Variants in STRIP2 observed in about 807,000 individuals in gnomAD.
STRIP2 encodes striatin-interacting protein 2.
A neutral mutation model predicts 107.1 loss-of-function variants in STRIP2; 84 were observed. That is an observed-to-expected ratio of 0.78 (90% CI 0.66 to 0.94). The LOEUF is 0.94. Ranked by LOEUF, STRIP2 falls within the 40% of genes least tolerant of loss-of-function variation. STRIP2 has a pLI of 0.00. For synonymous variants in STRIP2, 394 were observed against 400.4 expected (o/e 0.98, Z 0.19); for missense variants, 888 against 1,034.2 (o/e 0.86, Z 1.94).
At chr7:129,471,780 GA>G (rs1798793965) in intron 18 of STRIP2, among the ~76,000 whole-genome samples, 2 of 152,104 alleles carry the variant, frequency 1.3e-5, no homozygotes, top group African/African-American at 4.8e-5. Flanking sequence ...GCCTGAATCA[GA>G]CATGAGTCAA....
chr7:129,434,568 C>G lies in STRIP2; in HGVS notation c.96C>G (p.Arg32=). 2 of 1,515,404 alleles carry G rather than the reference C, an allele frequency of 1.3e-6. No individual in the cohort carries two copies. The highest frequency in any genetic ancestry group is 1.8e-6 in the Non-Finnish European group (2 of 1,138,108). 93.9% of individuals were successfully genotyped at this position (1,515,404 alleles called of 1,614,324 possible). The change falls in exon 1 of 21, where the codon CGC becomes CGG. Residue 32 remains arginine, a synonymous_variant. Coordinates refer to ENST00000249344, the MANE Select transcript of STRIP2 (RefSeq NM_020704.3). ...GKGKQAAPKG[R]EAFRSQRRES... The stretch of plus-strand genomic sequence containing the variant: ...GGAAGCAGGCGGCGCCCAAGGGCCG[C>G]GAAGCGTTCCGAAGCCAGCGGCGGG...
rs138306722 is a variant in STRIP2, at chr7:129,474,251, C to A, written c.1944+3536C>A. Among the ~76,000 whole-genome samples the A allele has an allele frequency of 5.7e-3, 872 of 151,928 alleles. 8 individuals are homozygous for A. The highest frequency in any genetic ancestry group is 0.02 in the African/African-American group (829 of 41,404). ...GACCTCCCAGGGTCAAATGATCCTT[C>A]CACCTCAGCCACCCAAGTAGCTAGG... On this transcript the variant is annotated intron_variant, in intron 18 of 20. Coordinates refer to ENST00000249344, the MANE Select transcript of STRIP2 (RefSeq NM_020704.3).
At chr7:129,442,511 A>G (rs1198070908) in intron 2 of STRIP2, among the ~76,000 whole-genome samples, 1 of 152,210 alleles carries the variant, frequency 6.6e-6, no homozygotes, top group African/African-American at 2.4e-5. Context: ...TGGGTAGAAG[A>G]TAATACACAG....
chr7:129,475,192 T>C (rs1047054600), intron 18 of STRIP2, among the ~76,000 whole-genome samples: 1 of 152,080 alleles, frequency 6.6e-6, no homozygotes, highest in Admixed American at 6.6e-5. Flanking sequence ...AGGCAGTGGA[T>C]GTGGGCTCAG....
intron 19 of STRIP2, among the ~76,000 whole-genome samples, chr7:129,481,326 A>G (rs978664493): frequency 7.3e-5 from 11 of 151,646 alleles, no homozygotes; most frequent in Non-Finnish European, 1.3e-4. Flanking sequence ...GTGAAACTCC[A>G]TCTCTACTAA....
intron 1 of STRIP2, among the ~76,000 whole-genome samples, chr7:129,436,723 T>C (rs1248786743): frequency 1.3e-5 from 2 of 152,198 alleles, no homozygotes; most frequent in African/African-American, 4.8e-5. Flanking sequence ...GGGATTTTTT[T>C]CCTCTCTAGG....
At chr7:129,475,386 G>C (rs566816324) in intron 18 of STRIP2, among the ~76,000 whole-genome samples, 1 of 150,060 alleles carries the variant, frequency 6.7e-6, no homozygotes, top group Non-Finnish European at 1.5e-5. Context: ...GGTGTTTCTC[G>C]CAGAGGGGGA....
chr7:129,475,583 T>A (rs1359724826), intron 18 of STRIP2, among the ~76,000 whole-genome samples: 3 of 144,954 alleles, frequency 2.1e-5, no homozygotes, highest in Non-Finnish European at 3.0e-5. Context: ...TATTTTTTTT[T>A]ATTGATCATT....
chr7:129,482,692 T>C, intron 19 of STRIP2, 150 bp from the exon 20 acceptor site: 1 of 922,008 alleles, frequency 1.1e-6, no homozygotes, highest in Non-Finnish European at 1.6e-6. Context: ...TCTATATTCT[T>C]GAAGATTAAA....
Position 129,453,285 on chromosome 7 carries a change from C to A in STRIP2, c.468C>A (p.Cys156Ter). ...VDVLHWSRYNCFLLYQMGTFS... is the reference protein window; with the variant it reads ...VDVLHWSRYN ...TGCTACACTGGTCCAGGTACAACTG[C>A]TTCCTGCTGTATCAGATGGGGACCT... Residue 156 changes from cysteine (C) to a stop codon, truncating the protein, a stop_gained, in exon 5 of 21, where the codon TGC becomes TGA. Coordinates refer to ENST00000249344, the MANE Select transcript of STRIP2 (RefSeq NM_020704.3). LOFTEE classifies it high-confidence loss of function. 2 of 1,614,170 alleles carry A rather than the reference C, an allele frequency of 1.2e-6. No individual in the cohort carries two copies. The highest frequency in any genetic ancestry group is 1.7e-6 in the Non-Finnish European group (2 of 1,180,020).
chr7:129,454,980 C>A (rs1174404121), intron 7 of STRIP2, among the ~76,000 whole-genome samples: 1 of 152,216 alleles, frequency 6.6e-6, no homozygotes, highest in East Asian at 1.9e-4. Flanking sequence ...GCAATGTCTT[C>A]ATTATTGTTA....
chr7:129,445,944 A>G (rs1162038295), intron 3 of STRIP2, among the ~76,000 whole-genome samples: 12 of 152,150 alleles, frequency 7.9e-5, no homozygotes, highest in Admixed American at 7.2e-4. Flanking sequence ...TGCCCTTTCC[A>G]TGACAGAAGA....
intron 1 of STRIP2, among the ~76,000 whole-genome samples, chr7:129,437,992 A>C (rs576380587): frequency 6.6e-6 from 1 of 152,136 alleles, no homozygotes; most frequent in Admixed American, 6.5e-5. Context: ...TTTTTAGTGG[A>C]GACGGGGTTT....
chr7:129,451,006 G>A (rs1479635260), intron 3 of STRIP2, among the ~76,000 whole-genome samples: 8 of 117,306 alleles, frequency 6.8e-5, no homozygotes, highest in Non-Finnish European at 1.3e-4. Context: ...GCGGGATCTC[G>A]GCTCACTGCA....
At chr7:129,456,742 G>C (rs1409161322) in intron 9 of STRIP2, 100 bp downstream of exon 9, 1 of 1,159,078 alleles carries the variant, frequency 8.6e-7, no homozygotes, top group African/African-American at 1.5e-5. Flanking sequence ...TAAATGACCC[G>C]GCTCATCCTG....
chr7:129,459,150 A>C (rs1390136882), intron 11 of STRIP2, among the ~76,000 whole-genome samples: 2 of 152,098 alleles, frequency 1.3e-5, no homozygotes, highest in Non-Finnish European at 2.9e-5. Context: ...GTCTTCCCCC[A>C]TTCCCCAGCC....
chr7:129,469,232 C>T (rs967834020), intron 17 of STRIP2, among the ~76,000 whole-genome samples: 1 of 152,174 alleles, frequency 6.6e-6, no homozygotes, highest in Admixed American at 6.5e-5. Context: ...ACAGACTACA[C>T]CTTTTGCTAA....
rs769827125 is a variant in STRIP2 at position 129,470,722 on chromosome 7, AG to A, written c.1944+8del. 3.0e-5 allele frequency: 48 copies of A among 1,613,078 alleles called. No individual in the cohort carries two copies. The highest frequency in any genetic ancestry group is 4.0e-5 in the Non-Finnish European group (47 of 1,179,018). On this transcript the variant is annotated splice_region_variant and intron_variant, in intron 18 of 20. Coordinates refer to ENST00000249344, the MANE Select transcript of STRIP2 (RefSeq NM_020704.3). ...GCTTACTACTGAAAGTCTGGTAAGC[AG>A]ATGGGGATTTGGTAGCCTTTGAAAT...
At position 129,480,829 on chromosome 7, in the gene STRIP2, C is replaced by A. The variant is rs778012316; in HGVS notation, c.1989C>A (p.Ser663=). Residue 663 remains serine (S), a synonymous_variant, in exon 19 of 21, where the codon TCC becomes TCA. Coordinates refer to ENST00000249344, the MANE Select transcript of STRIP2 (RefSeq NM_020704.3). ...NSQFCWRNLF[S]CINLLRLLNK... is the part of the protein sequence containing the mutation. ...AGTTCTGCTGGAGGAACCTCTTTTCCTGCATCAACCTCCTGAGGCTGCTCA... is the reference window on the plus strand; with the variant it reads ...AGTTCTGCTGGAGGAACCTCTTTTCATGCATCAACCTCCTGAGGCTGCTCA... The A allele has an allele frequency of 1.2e-6, 2 of 1,613,910 alleles. No homozygotes were observed. The highest frequency in any genetic ancestry group is 3.3e-5 in the Admixed American group (2 of 59,992).
Sources: gnomAD v4.1 joint callset for allele counts (sites outside exome capture counted in the v4.1 genomes callset) on GRCh38, gnomAD v4.1.1 for gene constraint, MANE v1.5 for transcripts, NCBI Gene and HGNC (gene_info 2026-07-23, HGNC 2026-07-21) for gene names.